CYP2S1: variants seen among roughly 807,000 people sequenced by gnomAD.
CYP2S1 encodes the protein cytochrome P450 family 2 subfamily S member 1.
A neutral mutation model predicts 43.5 loss-of-function variants in CYP2S1; 32 were observed. The observed-to-expected ratio is 0.74, with a 90% CI of 0.56 to 0.99. The LOEUF (loss-of-function observed/expected upper bound fraction) is 0.99. CYP2S1 is among the 50% of genes least tolerant of loss of function. The pLI is 0.00. For synonymous variants in CYP2S1, 283 were observed against 302.9 expected (o/e 0.93, Z 0.68); for missense variants, 575 against 673.9 (o/e 0.85, Z 1.62).
intron 2 of CYP2S1, among the ~76,000 whole-genome samples, chr19:41,196,248 C>T (rs1416353603): frequency 6.6e-6 from 1 of 152,038 alleles, no homozygotes; most frequent in African/African-American, 2.4e-5. Flanking sequence ...GGGATCCTGA[C>T]GCCCTTGAGG....
At chr19:41,206,181 C>T in intron 8 of CYP2S1, 82 bp downstream of exon 8, 1 of 1,608,314 alleles carries the variant, frequency 6.2e-7, no homozygotes, top group Non-Finnish European at 8.5e-7. Flanking sequence ...CCCTTCTGCA[C>T]CCTGGGCTTA....
intron 7 of CYP2S1, among the ~76,000 whole-genome samples, chr19:41,205,272 A>G (rs1427334179): frequency 6.6e-6 from 1 of 152,154 alleles, no homozygotes; most frequent in Non-Finnish European, 1.5e-5. Flanking sequence ...CAGCCTGCAA[A>G]TAGTAGATTC....
intron 5 of CYP2S1, among the ~76,000 whole-genome samples, chr19:41,199,701 A>G (rs557700425): frequency 2.0e-5 from 3 of 152,228 alleles, no homozygotes; most frequent in African/African-American, 4.8e-5. Context: ...ACAGTGGCTC[A>G]TGCCTGTAAT....
In CYP2S1 at chr19:41,203,080, G is replaced by A. The variant is rs570400439; in HGVS notation, c.977-370G>A. ...GCGCCACTGCACTCCAGCCTGGGTG[G>A]CAGAGCGTGTAATCCCAGCTACTCA... On this transcript the variant is annotated intron_variant, in intron 6 of 8. Coordinates refer to ENST00000310054, the MANE Select transcript of CYP2S1 (RefSeq NM_030622.8). 1.6e-3 allele frequency among the ~76,000 whole-genome samples: 238 copies of A among 151,388 alleles called. 1 individual carries two copies. Among genetic ancestry groups the A allele is most frequent in the Admixed American group, 2.5e-3 (38 of 15,160 alleles).
At chr19:41,205,318 T>A (rs1045917313) in intron 7 of CYP2S1, among the ~76,000 whole-genome samples, 1 of 136,450 alleles carries the variant, frequency 7.3e-6, no homozygotes, top group African/African-American at 2.5e-5. Context: ...TTAACTACTA[T>A]TCTTTGCCTT....
intron 7 of CYP2S1, among the ~76,000 whole-genome samples, chr19:41,205,750 G>A (rs1177103292): frequency 6.6e-6 from 1 of 151,902 alleles, no homozygotes; most frequent in Admixed American, 6.6e-5. Flanking sequence ...TCAAACTCCT[G>A]GGCTCAAATG....
At chr19:41,201,144 T>C (rs1192267477) in intron 5 of CYP2S1, 87 bp from the exon 6 acceptor site, 1 of 1,512,392 alleles carries the variant, frequency 6.6e-7, no homozygotes. Flanking sequence ...AACTTTAACT[T>C]GTGTTTCCGA....
In CYP2S1 at chr19:41,193,349, C is replaced by A; in HGVS notation, c.85C>A (p.Arg29=). 1.3e-6 allele frequency: 2 copies of A among 1,536,774 alleles called. No homozygotes were observed. The highest frequency in any genetic ancestry group is 1.8e-6 in the Non-Finnish European group (2 of 1,141,072). The change falls in exon 1 of 9, where the codon CGA becomes AGA. Residue 29 remains arginine, a synonymous_variant. Transcript: ENST00000310054. ...GCTGGCGCTGTCCGGGACCAGGGCCCGAGGCCACCTGCCCCCCGGGCCCAC... is the reference window on the plus strand; with the variant it reads ...GCTGGCGCTGTCCGGGACCAGGGCCAGAGGCCACCTGCCCCCCGGGCCCAC... ...LTLALSGTRA[R]GHLPPGPTPL... is the part of the protein sequence containing the mutation.
chr19:41,196,835 C>T (rs1289198922), intron 2 of CYP2S1, among the ~76,000 whole-genome samples: 1 of 152,094 alleles, frequency 6.6e-6, no homozygotes, highest in Admixed American at 6.6e-5. Flanking sequence ...CCCAGTGGGA[C>T]TCCATAAATG....
chr19:41,204,281 G>A (rs968279565), intron 7 of CYP2S1, among the ~76,000 whole-genome samples: 2 of 152,146 alleles, frequency 1.3e-5, no homozygotes, highest in African/African-American at 4.8e-5. Context: ...CTTCCAAGGT[G>A]GTTGGGACAA....
In CYP2S1 at chr19:41,206,073, A is replaced by G. The variant is rs1253950589; in HGVS notation, c.1280A>G (p.His427Arg). 1.9e-6 allele frequency: 3 copies of G among 1,614,086 alleles called. No individual in the cohort carries two copies. The Admixed American group carries it at 5.0e-5, about 27-fold the overall frequency. The change falls in exon 8 of 9, where the codon CAT (histidine) becomes CGT (arginine). Residue 427 changes from histidine (H) to arginine (R), a missense_variant. Around this residue, in one of 2 missense-constraint regions of CYP2S1, gnomAD observed 222 missense variants for 306.3 expected, o/e 0.72. Coordinates refer to ENST00000310054, the MANE Select transcript of CYP2S1 (RefSeq NM_030622.8). ...GATGCAGATGGACGGTTCAGGAAGC[A>G]TGAGGCGTTCCTGCCCTTCTCCTTA... The part of the protein sequence containing the change: ...FLDADGRFRK[H>R]EAFLPFSLGK...
chr19:41,196,450 GGGATGAAACT>G (rs1443918640), intron 2 of CYP2S1, among the ~76,000 whole-genome samples: 1 of 152,116 alleles, frequency 6.6e-6, no homozygotes, highest in Non-Finnish European at 1.5e-5. Flanking sequence ...CTGCCTGAAG[GGGATGAAACT>G]GGAGGCTAGG....
chr19:41,198,856 C>T lies in CYP2S1; in HGVS notation c.802C>T (p.Leu268Phe). Residue 268 changes from leucine (L) to phenylalanine (F), a missense_variant, in exon 5 of 9, where the codon CTT becomes TTT. Coordinates refer to ENST00000310054, the MANE Select transcript of CYP2S1 (RefSeq NM_030622.8). The surrounding 1 kb of genome is among the most constrained non-coding windows in gnomAD (Gnocchi z 4.9). Reference sequence around the variant, plus strand: ...GGATGCTTCGGGCCCCGCACGTGACCTTGTCGATGCCTTCCTGCTGAAGAT... The same window carrying T: ...GGATGCTTCGGGCCCCGCACGTGACTTTGTCGATGCCTTCCTGCTGAAGAT... ...NLDASGPARD[L>F]VDAFLLKMAQ... 2 of 1,613,810 alleles carry T rather than the reference C, an allele frequency of 1.2e-6. No individual in the cohort carries two copies. Among genetic ancestry groups the T allele is most frequent in the East Asian group, 2.2e-5 (1 of 44,872 alleles).
rs757173760 is a variant in CYP2S1, at chr19:41,206,791, C to T, written c.*303C>T. ...CATAGCCAGGTAACCCACCAACTCC[C>T]CTGGATCTGCAGCCCACACGTGGGA... On this transcript the variant is annotated 3_prime_UTR_variant, in exon 9 of 9. Coordinates refer to ENST00000310054, the MANE Select transcript of CYP2S1 (RefSeq NM_030622.8). 3.4e-6 allele frequency: 2 copies of T among 580,216 alleles called. No individual in the cohort carries two copies. Among genetic ancestry groups the T allele is most frequent in the South Asian group, 1.5e-5 (1 of 66,910 alleles). 35.9% of individuals were successfully genotyped at this position (580,216 alleles called of 1,614,324 possible).
intron 6 of CYP2S1, among the ~76,000 whole-genome samples, chr19:41,202,904 C>A (rs888689119): frequency 2.6e-5 from 4 of 151,998 alleles, no homozygotes; most frequent in Non-Finnish European, 5.9e-5. Flanking sequence ...AGTTCGAGAC[C>A]AGCCTCGCTA....
chr19:41,194,640 G>A lies in CYP2S1; in HGVS notation c.274G>A (p.Gly92Arg), dbSNP rs555319320. The A allele has an allele frequency of 6.2e-7, 1 of 1,612,762 alleles. No homozygotes were observed. Among genetic ancestry groups the A allele is most frequent in the African/African-American group, 1.3e-5 (1 of 74,978 alleles). ...VGQEAVREAL[G>R]GQAEEFSGRG... is the part of the protein sequence containing the mutation. Reference sequence around the variant, plus strand: ...GCAGGAGGCTGTGCGGGAGGCCCTGGGAGGTCAGGCTGAGGAGTTCAGCGG... The same window carrying A: ...GCAGGAGGCTGTGCGGGAGGCCCTGAGAGGTCAGGCTGAGGAGTTCAGCGG... Residue 92 changes from glycine (G) to arginine (R), a missense_variant, in exon 2 of 9, where the codon GGA (glycine) becomes AGA (arginine). Coordinates refer to ENST00000310054, the MANE Select transcript of CYP2S1 (RefSeq NM_030622.8).
rs550292199 is a variant in CYP2S1 at position 41,201,495 on chromosome 19, T to C, written c.976+123T>C. 7.5e-5 allele frequency: 104 copies of C among 1,386,016 alleles called. No homozygotes were observed. The African/African-American group carries it at 1.2e-3, about 15-fold the overall frequency. The allele number at this position is 1,386,016 out of a possible 1,614,324, so 85.9% of individuals were successfully genotyped here. Reference sequence around the variant, plus strand: ...CTGAGGCGGGCTGATCACTTGAGAATAGGAGTTTAAGACCAGCCTGGCCAA... The same window carrying C: ...CTGAGGCGGGCTGATCACTTGAGAACAGGAGTTTAAGACCAGCCTGGCCAA... On this transcript the variant is annotated intron_variant, in intron 6 of 8. Transcript: ENST00000310054.
chr19:41,201,958 G>A (rs181105278), intron 6 of CYP2S1, among the ~76,000 whole-genome samples: 148 of 152,022 alleles, frequency 9.7e-4, no homozygotes, highest in African/African-American at 3.5e-3. Flanking sequence ...GCAGGGGAGG[G>A]CAAGGTCAAA....
In CYP2S1 at chr19:41,193,242, GGA is replaced by G; in HGVS notation, c.-20_-19del. ...CCAGCCGCGCGGAGCGCCTGGGAGA[GGA>G]GAAGGAGCCGACCTGCCGAGATGGA... On this transcript the variant is annotated 5_prime_UTR_variant, in exon 1 of 9. Coordinates refer to ENST00000310054, the MANE Select transcript of CYP2S1 (RefSeq NM_030622.8). 1 of 1,508,804 alleles carries G rather than the reference GGA, an allele frequency of 6.6e-7. No homozygotes were observed. The highest frequency in any genetic ancestry group is 1.2e-5 in the South Asian group (1 of 82,130). 93.5% of individuals were successfully genotyped at this position (1,508,804 alleles called of 1,614,324 possible).
Sources: gnomAD v4.1 joint callset for allele counts (sites outside exome capture counted in the v4.1 genomes callset) on GRCh38, gnomAD v4.1.1 for gene constraint, gnomAD v4.1.1 regional missense constraint, Gnocchi (gnomAD v3.1) non-coding constraint, MANE v1.5 for transcripts, NCBI Gene and HGNC (gene_info 2026-07-23, HGNC 2026-07-21) for gene names.